INF2: variants seen among roughly 807,000 people sequenced by gnomAD.
INF2 encodes inverted formin-2.
Under a neutral mutation model 123.5 loss-of-function variants are expected in INF2, and 43 were observed. The ratio of observed to expected loss-of-function variants is 0.35; its 90% CI spans 0.27 to 0.45. The LOEUF (loss-of-function observed/expected upper bound fraction) is 0.45, where lower values mean the gene tolerates loss of function less well. Among genes scored for constraint, INF2 ranks in the 20% least tolerant of loss-of-function variants. INF2 has a pLI of 1.00. For missense variants in INF2, 1,453 were observed against 1,682.7 expected (o/e 0.86, Z 2.39); for synonymous variants, 851 against 745.0 (o/e 1.14, Z -2.32).
chr14:104,720,316 G>A lies in INF2; in HGVS notation c.*1523G>A. 1 of 171,326 alleles carries A rather than the reference G, an allele frequency of 5.8e-6. No homozygotes were observed. The highest frequency in any genetic ancestry group is 1.2e-4 in the South Asian group (1 of 8,572). The allele number at this position is 171,326 out of a possible 1,614,324, so 10.6% of individuals were successfully genotyped here. On this transcript the variant is annotated 3_prime_UTR_variant, in exon 23 of 23. Coordinates refer to ENST00000392634, the MANE Select transcript of INF2 (RefSeq NM_022489.4). ...CCAGTTTGGGGCTTCTGTGAATCCTGCTGCTGTGGACATTTGCGTAGTCCT... is the reference window on the plus strand; with the variant it reads ...CCAGTTTGGGGCTTCTGTGAATCCTACTGCTGTGGACATTTGCGTAGTCCT...
intron 4 of INF2, 141 bp downstream of exon 4, chr14:104,703,595 C>A: frequency 9.1e-7 from 1 of 1,102,082 alleles, no homozygotes; most frequent in Non-Finnish European, 1.3e-6. Context: ...CCATCTCGGG[C>A]CTGCCACCAC....
intron 1 of INF2, among the ~76,000 whole-genome samples, chr14:104,683,029 G>A (rs1888564972): frequency 6.6e-6 from 1 of 152,120 alleles, no homozygotes; most frequent in Non-Finnish European, 1.5e-5. Flanking sequence ...CTGAGCTCAA[G>A]CGGTCCACCC....
At chr14:104,706,876 G>T in intron 6 of INF2, 34 bp from the exon 7 acceptor site, 1 of 1,597,922 alleles carries the variant, frequency 6.3e-7, no homozygotes, top group Non-Finnish European at 8.5e-7. Context: ...GGAGGGGCCG[G>T]CTGCTGACCT....
intron 1 of INF2, among the ~76,000 whole-genome samples, chr14:104,700,614 T>TG (rs1451198629): frequency 6.6e-6 from 1 of 152,140 alleles, no homozygotes; most frequent in African/African-American, 2.4e-5. Flanking sequence ...TGTTCTGTTT[T>TG]GGGGAAAGGC....
In INF2 at chr14:104,707,399, AC is replaced by A; in HGVS notation, c.1137del (p.Lys380SerfsTer27). ...QRGSSPQNTT[T>X]PKPSVEGQQP... ...GGGCAGCTCCCCGCAAAACACTACA[AC>A]CCCCAAGCCCAGCGTGGAGGGCCAG... On this transcript the variant is annotated frameshift_variant, in exon 8 of 23. Transcript: ENST00000392634. LOFTEE classifies it high-confidence loss of function. 1.3e-6 allele frequency: 2 copies of A among 1,585,612 alleles called. No homozygotes were observed. Among genetic ancestry groups the A allele is most frequent in the Non-Finnish European group, 1.7e-6 (2 of 1,167,988 alleles).
At chr14:104,710,627 GCA>G (rs987181876) in intron 13 of INF2, 16 of 529,374 alleles carry the variant, frequency 3.0e-5, no homozygotes, top group African/African-American at 1.9e-4. Flanking sequence ...AGACATAAGT[GCA>G]CACACACGGG....
Position 104,713,100 on chromosome 14 carries a change from G to A in INF2, c.2776-107G>A, listed in dbSNP as rs972535354. 4.4e-6 allele frequency: 7 copies of A among 1,607,470 alleles called. No homozygotes were observed. The South Asian group carries it at 7.7e-5, about 18-fold the overall frequency. ...AGGCACCTTTCGTCGGGCCGACACA[G>A]CCATGTGGGCCCTGCGCTGCTGCGG... On this transcript the variant is annotated intron_variant, in intron 18 of 22. Transcript: ENST00000392634.
At chr14:104,708,613 C>G (rs569306808) in intron 9 of INF2, 26 bp downstream of exon 9, 14 of 1,612,652 alleles carry the variant, frequency 8.7e-6, no homozygotes, top group Non-Finnish European at 1.2e-5. Context: ...GGACTCAGAC[C>G]GGGGCCGCCT....
chr14:104,696,378 G>A (rs1273656616), intron 1 of INF2, among the ~76,000 whole-genome samples: 1 of 152,228 alleles, frequency 6.6e-6, no homozygotes, highest in Non-Finnish European at 1.5e-5. Context: ...AAGGCCCAGT[G>A]CGCCCCATGC....
intron 1 of INF2, among the ~76,000 whole-genome samples, chr14:104,692,998 T>C (rs1409942942): frequency 6.6e-6 from 1 of 152,114 alleles, no homozygotes; most frequent in African/African-American, 2.4e-5. Flanking sequence ...ACCCTCCATC[T>C]CCCTCAGCCC....
intron 1 of INF2, among the ~76,000 whole-genome samples, chr14:104,683,911 C>T (rs999765778): frequency 2.6e-5 from 4 of 152,114 alleles, no homozygotes; most frequent in South Asian, 2.1e-4. Flanking sequence ...CACAGCTACA[C>T]GCAGGCAGAC....
chr14:104,683,005 A>G lies in INF2; in HGVS notation c.-104+1423A>G, dbSNP rs1183094622. Among the ~76,000 whole-genome samples, 3 of 151,386 alleles carry G rather than the reference A, an allele frequency of 2.0e-5. No homozygotes were observed. In the East Asian group the frequency reaches 5.9e-4, roughly 30 times the overall value. On this transcript the variant is annotated intron_variant, in intron 1 of 2. Transcript: ENST00000674723. ...GGCACTCAGGGTTGGAAGGGGAGCC[A>G]GGCTCCTCTGGCTCTGAGCTCAAGC...
At chr14:104,686,671 T>C (rs1054715353), upstream of INF2, among the ~76,000 whole-genome samples, 3 of 152,174 alleles carry the variant, frequency 2.0e-5, no homozygotes, top group African/African-American at 7.2e-5. Context: ...TTCTGGGTGC[T>C]GAACTGATGA....
chr14:104,701,574 A>G lies in INF2; in HGVS notation c.209A>G (p.Glu70Gly), dbSNP rs1276466152. The G allele has an allele frequency of 1.2e-6, 2 of 1,608,456 alleles. No homozygotes were observed. The highest frequency in any genetic ancestry group is 2.2e-5 in the South Asian group (2 of 90,632). ...GGCGGCTGGATGGTGCAGTTCCTGG[A>G]GCAGAGCGGCCTGGACCTGCTGCTG... ...SDGGWMVQFLEQSGLDLLLEA... is the reference protein window; with the variant it reads ...SDGGWMVQFLGQSGLDLLLEA... Residue 70 changes from glutamate to glycine, a missense_variant, in exon 2 of 23, where the codon GAG becomes GGG. By Grantham distance (98) the Glu-to-Gly change is moderately conservative. This residue lies in a region of INF2 where 251 missense variants were observed against 349.4 expected (regional missense o/e 0.72). Transcript: ENST00000392634.
At chr14:104,705,445 A>G (rs957642205) in intron 5 of INF2, among the ~76,000 whole-genome samples, 1 of 151,554 alleles carries the variant, frequency 6.6e-6, no homozygotes, top group African/African-American at 2.4e-5. Context: ...TGGCCTCAGC[A>G]AAGTTTGCCC....
In INF2 at chr14:104,708,694, G is replaced by A. The variant is rs1595172720; in HGVS notation, c.1911G>A (p.Lys637=). Reference sequence around the variant, plus strand: ...AGATCACTTTCCTCGATGCCAAGAAGAGCCTGAACCTCAACATCTTCCTGA... The same window carrying A: ...AGATCACTTTCCTCGATGCCAAGAAAAGCCTGAACCTCAACATCTTCCTGA... ...PKEITFLDAK[K]SLNLNIFLKQ... The change falls in exon 10 of 23, where the codon AAG becomes AAA. Residue 637 remains lysine, a synonymous_variant. Transcript: ENST00000392634. 6.2e-6 allele frequency: 10 copies of A among 1,613,090 alleles called. No homozygotes were observed. Among genetic ancestry groups the A allele is most frequent in the African/African-American group, 1.3e-5 (1 of 75,038 alleles).
intron 7 of INF2, 75 bp downstream of exon 7, chr14:104,707,126 C>T (rs1889817568): frequency 2.0e-6 from 3 of 1,511,116 alleles, no homozygotes; most frequent in South Asian, 1.2e-5. Context: ...GGGGGGGGAG[C>T]CTGCCCTTGG....
intron 12 of INF2, 143 bp from the exon 13 acceptor site, chr14:104,709,945 G>A (rs546461168): frequency 1.1e-5 from 9 of 792,100 alleles, no homozygotes; most frequent in Middle Eastern, 5.5e-4. Context: ...GCGCAGGCCC[G>A]GGAGGGTGCC....
At chr14:104,702,806 A>G (rs1269798065) in intron 2 of INF2, among the ~76,000 whole-genome samples, 1 of 152,198 alleles carries the variant, frequency 6.6e-6, no homozygotes, top group Non-Finnish European at 1.5e-5. Context: ...TGTGTCTGCC[A>G]TAAACACAGT....
Sources: gnomAD v4.1 joint callset for allele counts (sites outside exome capture counted in the v4.1 genomes callset) on GRCh38, gnomAD v4.1.1 for gene constraint, gnomAD v4.1.1 regional missense constraint, MANE v1.5 for transcripts, NCBI Gene and HGNC (gene_info 2026-07-23, HGNC 2026-07-21) for gene names.